The following FRMD4A variants were observed in gnomAD, a reference collection of about 807,000 sequenced individuals.
The protein encoded by FRMD4A is FERM domain-containing protein 4A.
A neutral mutation model predicts 129.1 loss-of-function variants in FRMD4A; 29 were observed. That is an observed-to-expected ratio of 0.22 (90% CI 0.17 to 0.31). The LOEUF (loss-of-function observed/expected upper bound fraction) is 0.31, where lower values mean the gene tolerates loss of function less well. Ranked by LOEUF, FRMD4A falls within the 10% of genes least tolerant of loss-of-function variation. The pLI is 1.00. For missense variants in FRMD4A, 1,272 were observed against 1,375.8 expected, an observed-to-expected ratio of 0.92 and a Z score of 1.19; for synonymous variants, 634 against 571.6, an observed-to-expected ratio of 1.11 and a Z score of -1.56.
At chr10:14,221,380 C>T (rs1038346579) in intron 2 of FRMD4A, among the ~76,000 whole-genome samples, 5 of 152,148 alleles carry the variant, frequency 3.3e-5, no homozygotes, top group Non-Finnish European at 7.4e-5. Context: ...ATTTCATAGC[C>T]TGGAGAATCA....
chr10:14,054,468 T>C (rs184803760), intron 2 of FRMD4A, among the ~76,000 whole-genome samples: 273 of 152,296 alleles, frequency 1.8e-3, no homozygotes, highest in African/African-American at 6.1e-3. Flanking sequence ...AAAGTTTTCA[T>C]ATGGCTAAAC....
In FRMD4A at chr10:14,185,676, A is replaced by C. The variant is rs556954661; in HGVS notation, c.45+144382T>G. Among the ~76,000 whole-genome samples the C allele has an allele frequency of 8.5e-5, 13 of 152,308 alleles. No individual in the cohort carries two copies. The East Asian group carries it at 2.5e-3, about 29-fold the overall frequency. On this transcript the variant is annotated intron_variant, in intron 2 of 24. Transcript: ENST00000357447. ...GGTTGTTAGCTGTGCAGATGAGCAG[A>C]AGAGAGGATAGCAGCAGCTCAACAG...
intron 2 of FRMD4A, among the ~76,000 whole-genome samples, chr10:13,883,648 A>G (rs1266427706): frequency 2.6e-5 from 4 of 152,260 alleles, no homozygotes; most frequent in Non-Finnish European, 4.4e-5. Context: ...CTTTAGGAAC[A>G]GGAAGGCAAA....
intron 2 of FRMD4A, among the ~76,000 whole-genome samples, chr10:13,883,441 G>A (rs2094570128): frequency 6.6e-6 from 1 of 152,088 alleles, no homozygotes; most frequent in Non-Finnish European, 1.5e-5. Flanking sequence ...GTGGTGAGTT[G>A]ACATTGCACC....
intron 2 of FRMD4A, among the ~76,000 whole-genome samples, chr10:13,927,313 TAA>T (rs1197380638): frequency 2.7e-4 from 41 of 152,164 alleles, no homozygotes; most frequent in African/African-American, 9.7e-4. Context: ...TTTGCTCCCC[TAA>T]CATGTAAAAC....
chr10:13,832,009 A>T (rs371559636), intron 3 of FRMD4A, among the ~76,000 whole-genome samples: 7 of 152,144 alleles, frequency 4.6e-5, no homozygotes, highest in African/African-American at 1.7e-4. Flanking sequence ...GTCAGAGTGG[A>T]GGGAAAAATC....
At chr10:13,902,490 A>AGAGAGAGAGAGAGAGT (rs2094832464) in intron 2 of FRMD4A, among the ~76,000 whole-genome samples, 2 of 151,116 alleles carry the variant, frequency 1.3e-5, no homozygotes, top group East Asian at 3.9e-4. Context: ...AGAGAGAGAG[A>AGAGAGAGAGAGAGAGT]GTGACAGAGA....
chr10:13,791,365 C>G (rs151290265), intron 5 of FRMD4A, among the ~76,000 whole-genome samples: 253 of 151,526 alleles, frequency 1.7e-3, no homozygotes, highest in African/African-American at 5.8e-3. Flanking sequence ...TGAACATTTT[C>G]CTGAACACAC....
At chr10:13,693,401 A>AG in intron 15 of FRMD4A, 1 of 512,970 alleles carries the variant, frequency 1.9e-6, no homozygotes, top group Non-Finnish European at 2.7e-6. Flanking sequence ...TCGCAATTTC[A>AG]AAAGGCACTG....
Position 13,666,331 on chromosome 10 carries a change from G to A in FRMD4A, c.1375-6C>T, listed in dbSNP as rs1473156313. ...AGGCGTTCCAGCTCAGCTTCCTGTG[G>A]GAGGGAAAGCACCGGTTTGGGTTAC... is the stretch of plus-strand genomic sequence containing the variant. On this transcript the variant is annotated splice_region_variant and splice_polypyrimidine_tract_variant and intron_variant, in intron 17 of 24. Coordinates refer to ENST00000357447, the MANE Select transcript of FRMD4A (RefSeq NM_018027.5). 6.2e-7 allele frequency: 1 copy of A among 1,605,326 alleles called. No homozygotes were observed. The highest frequency in any genetic ancestry group is 1.7e-5 in the Admixed American group (1 of 59,986).
intron 12 of FRMD4A, chr10:13,710,679 T>G (rs1240374672): frequency 6.6e-6 from 1 of 152,124 alleles, no homozygotes; most frequent in Admixed American, 6.5e-5. Context: ...AAGGGATGGG[T>G]GGTTTTCAGG....
intron 2 of FRMD4A, among the ~76,000 whole-genome samples, chr10:13,917,289 T>TTC (rs1393233813): frequency 6.6e-6 from 1 of 151,222 alleles, no homozygotes; most frequent in Non-Finnish European, 1.5e-5. Flanking sequence ...CACAGATTTT[T>TTC]TTTTTTTTTT....
chr10:14,147,921 T>C (rs73597260), intron 2 of FRMD4A, among the ~76,000 whole-genome samples: 9,493 of 152,228 alleles, frequency 0.062, 898 homozygotes, highest in African/African-American at 0.2. Context: ...AGTCACTTAA[T>C]GTTTCTGTGC....
intron 2 of FRMD4A, among the ~76,000 whole-genome samples, chr10:14,221,638 C>T (rs1002648213): frequency 6.6e-6 from 1 of 152,040 alleles, no homozygotes; most frequent in Non-Finnish European, 1.5e-5. Context: ...TGGCTAACTC[C>T]AGCCTCCAAC....
At chr10:13,684,636 G>A (rs2084913458) in intron 15 of FRMD4A, 1 of 985,244 alleles carries the variant, frequency 1.0e-6, no homozygotes. Context: ...CTCAGCACCG[G>A]ATATGAGCGC....
intron 2 of FRMD4A, among the ~76,000 whole-genome samples, chr10:14,243,718 A>G (rs1844133085): frequency 6.6e-6 from 1 of 152,116 alleles, no homozygotes; most frequent in African/African-American, 2.4e-5. Context: ...AAAAAAAAGA[A>G]AAACTTCTGG....
At chr10:13,983,842 A>C (rs1434954989) in intron 2 of FRMD4A, among the ~76,000 whole-genome samples, 1 of 151,866 alleles carries the variant, frequency 6.6e-6, no homozygotes, top group African/African-American at 2.4e-5. Context: ...TCTACTAAAA[A>C]AAAAAACAAA....
At chr10:14,195,655 T>C (rs72778639) in intron 2 of FRMD4A, among the ~76,000 whole-genome samples, 2,188 of 152,352 alleles carry the variant, frequency 0.014, 17 homozygotes, top group Non-Finnish European at 0.023. Context: ...AAGCTGGGGC[T>C]AATCAGTTTC....
chr10:13,707,379 C>T (rs758233015), intron 12 of FRMD4A: 95 of 1,143,670 alleles, frequency 8.3e-5, no homozygotes, highest in Non-Finnish European at 1.0e-4. Flanking sequence ...AGTTCTCCGC[C>T]TTCGGTCGGC....
Sources: allele counts gnomAD v4.1 joint callset (sites outside exome capture counted in the v4.1 genomes callset), GRCh38; gene constraint gnomAD v4.1.1; transcripts MANE v1.5; gene names NCBI Gene and HGNC (gene_info 2026-07-23, HGNC 2026-07-21).